The following CADPS2 variants were observed in gnomAD, a reference collection of about 807,000 sequenced individuals.
CADPS2 encodes calcium dependent secretion activator 2, also known as calcium-dependent secretion activator 2.
In CADPS2, 93 loss-of-function variants were observed where a neutral mutation model predicts 172.5. The ratio of observed to expected loss-of-function variants is 0.54; its 90% CI spans 0.46 to 0.64. CADPS2 has a LOEUF of 0.64. CADPS2 is among the 30% of genes least tolerant of loss of function. CADPS2 has a pLI of 0.00. For synonymous variants in CADPS2, 546 were observed against 555.2 expected (o/e 0.98, Z 0.23); for missense variants, 1,420 against 1,565.9 (o/e 0.91, Z 1.57).
Position 122,737,074 on chromosome 7 carries a change from A to T in CADPS2, c.340-6T>A. On this transcript the variant is annotated splice_region_variant and splice_polypyrimidine_tract_variant and intron_variant, in intron 1 of 29. Coordinates refer to ENST00000449022, the MANE Select transcript of CADPS2 (RefSeq NM_017954.11). ...TGCAACTGTTGTTTGTTAAGCTACA[A>T]GAAAAAGAGAAAATAAGCAGATAAA... is the stretch of plus-strand genomic sequence containing the variant. 1.3e-6 allele frequency: 2 copies of T among 1,483,488 alleles called. No homozygotes were observed. Among genetic ancestry groups the T allele is most frequent in the Non-Finnish European group, 1.9e-6 (2 of 1,063,776 alleles). 91.9% of individuals were successfully genotyped at this position (1,483,488 alleles called of 1,614,324 possible).
chr7:122,758,689 T>C (rs868673416), intron 1 of CADPS2, among the ~76,000 whole-genome samples: 3 of 152,232 alleles, frequency 2.0e-5, no homozygotes, highest in South Asian at 2.1e-4. Flanking sequence ...ATACATTTAC[T>C]GGCCTTTCCC....
At chr7:122,874,477 C>G (rs895945034) in intron 1 of CADPS2, among the ~76,000 whole-genome samples, 1 of 152,158 alleles carries the variant, frequency 6.6e-6, no homozygotes, top group African/African-American at 2.4e-5. Context: ...TTTATAGATT[C>G]AATGCTATCT....
intron 8 of CADPS2, among the ~76,000 whole-genome samples, chr7:122,529,480 T>C (rs12706419): frequency 0.099 from 15,067 of 152,050 alleles, 863 homozygotes; most frequent in African/African-American, 0.15. Context: ...TAGAAATCTG[T>C]TACATGAACT....
At chr7:122,592,224 G>A (rs1042212961) in intron 6 of CADPS2, among the ~76,000 whole-genome samples, 1 of 152,036 alleles carries the variant, frequency 6.6e-6, no homozygotes, top group African/African-American at 2.4e-5. Context: ...GCAGCCAAAA[G>A]ACACATGAAA....
intron 3 of CADPS2, among the ~76,000 whole-genome samples, chr7:122,641,370 G>A (rs778201385): frequency 2.6e-5 from 4 of 152,002 alleles, no homozygotes; most frequent in Non-Finnish European, 5.9e-5. Flanking sequence ...AGGGATTACT[G>A]TTTCCACATT....
At chr7:122,659,172 A>G (rs1310846317) in intron 3 of CADPS2, among the ~76,000 whole-genome samples, 1 of 152,048 alleles carries the variant, frequency 6.6e-6, no homozygotes, top group East Asian at 1.9e-4. Flanking sequence ...AGATGTTAGA[A>G]TTATCAAACA....
intron 8 of CADPS2, among the ~76,000 whole-genome samples, chr7:122,535,271 T>C (rs1438892368): frequency 2.0e-5 from 3 of 152,124 alleles, no homozygotes; most frequent in Admixed American, 6.6e-5. Context: ...TTATTAGCTA[T>C]ATGGCTTTGG....
At position 122,734,105 on chromosome 7, in the gene CADPS2, A is replaced by C. The variant is rs2091918328; in HGVS notation, c.453+2850T>G. 2.0e-5 allele frequency among the ~76,000 whole-genome samples: 3 copies of C among 151,830 alleles called. No individual in the cohort carries two copies. In the Admixed American group the frequency reaches 2.0e-4, roughly 10 times the overall value. On this transcript the variant is annotated intron_variant, in intron 2 of 29. Coordinates refer to ENST00000449022, the MANE Select transcript of CADPS2 (RefSeq NM_017954.11). ...CCTAAGAGTCTGCTTTTAGTCAGCT[A>C]TGGTGGTATGAGGTCCTTAGCTCTG...
intron 8 of CADPS2, among the ~76,000 whole-genome samples, chr7:122,536,885 T>C (rs533648301): frequency 2.6e-5 from 4 of 152,154 alleles, no homozygotes; most frequent in African/African-American, 9.6e-5. Context: ...TTGATGATAG[T>C]AATGAAATGC....
intron 5 of CADPS2, among the ~76,000 whole-genome samples, chr7:122,616,345 G>A (rs762906416): frequency 5.7e-4 from 87 of 152,018 alleles, no homozygotes; most frequent in Non-Finnish European, 1.2e-3. Flanking sequence ...CTTTATTACA[G>A]TCATCACATT....
intron 7 of CADPS2, among the ~76,000 whole-genome samples, chr7:122,562,253 A>G (rs2065870179): frequency 6.6e-6 from 1 of 152,164 alleles, no homozygotes; most frequent in South Asian, 2.1e-4. Context: ...AAGATTGCTA[A>G]CTAGGCAATT....
intron 1 of CADPS2, among the ~76,000 whole-genome samples, chr7:122,765,179 A>C (rs1196132322): frequency 6.6e-6 from 1 of 152,192 alleles, no homozygotes; most frequent in Non-Finnish European, 1.5e-5. Flanking sequence ...GGACAGATCA[A>C]GATTTAGAAG....
chr7:122,653,088 T>C (rs1032509383), intron 3 of CADPS2, among the ~76,000 whole-genome samples: 1 of 152,164 alleles, frequency 6.6e-6, no homozygotes, highest in Non-Finnish European at 1.5e-5. Flanking sequence ...GTGGCAGCCC[T>C]GGCAAGGCTC....
chr7:122,764,953 G>C (rs1291848348), intron 1 of CADPS2, among the ~76,000 whole-genome samples: 1 of 152,022 alleles, frequency 6.6e-6, no homozygotes, highest in Non-Finnish European at 1.5e-5. Flanking sequence ...AAATAACTTT[G>C]CTATTTCTGT....
chr7:122,708,510 T>C (rs2088010386), intron 2 of CADPS2, among the ~76,000 whole-genome samples: 1 of 113,364 alleles, frequency 8.8e-6, no homozygotes, highest in South Asian at 2.8e-4. Flanking sequence ...TCCAAACATA[T>C]TGTATTCGAG....
At chr7:122,648,050 C>T (rs1272582320) in intron 3 of CADPS2, among the ~76,000 whole-genome samples, 1 of 152,122 alleles carries the variant, frequency 6.6e-6, no homozygotes, top group Non-Finnish European at 1.5e-5. Context: ...TAGTGTTTTC[C>T]AACTTGACAA....
intron 8 of CADPS2, among the ~76,000 whole-genome samples, chr7:122,551,331 T>C (rs2064260233): frequency 6.6e-6 from 1 of 152,106 alleles, no homozygotes; most frequent in Admixed American, 6.6e-5. Flanking sequence ...ATATTACATT[T>C]TCACCATCAT....
At chr7:122,878,086 T>C (rs1419820676) in intron 1 of CADPS2, among the ~76,000 whole-genome samples, 2 of 151,164 alleles carry the variant, frequency 1.3e-5, no homozygotes, top group East Asian at 2.0e-4. Flanking sequence ...TGAAACCCCG[T>C]CTTTACTAAA....
chr7:122,532,046 A>C (rs987099058), intron 8 of CADPS2, among the ~76,000 whole-genome samples: 14 of 149,068 alleles, frequency 9.4e-5, no homozygotes, highest in Admixed American at 5.3e-4. Flanking sequence ...AAAAAAAAAC[A>C]AAACAAACAA....
Sources: gnomAD v4.1 joint callset for allele counts (sites outside exome capture counted in the v4.1 genomes callset) on GRCh38, gnomAD v4.1.1 for gene constraint, MANE v1.5 for transcripts, NCBI Gene and HGNC (gene_info 2026-07-23, HGNC 2026-07-21) for gene names.